Variants in MBD6 observed in about 807,000 individuals in gnomAD.
MBD6 encodes the protein methyl-CpG binding domain protein 6, also known as methyl-CpG-binding domain protein 6.
MBD6 carries 22 observed loss-of-function variants against 66.8 expected under a neutral mutation model. The observed-to-expected ratio is 0.33, with a 90% CI of 0.24 to 0.47. MBD6 has a LOEUF of 0.47. MBD6 is among the 20% of genes least tolerant of loss of function. The pLI is 1.00. For synonymous variants in MBD6, 540 were observed against 534.6 expected (o/e 1.01, Z -0.14); for missense variants, 1,322 against 1,286.9 (o/e 1.03, Z -0.42).
chr12:57,529,348 A>G lies in MBD6; in HGVS notation c.*114A>G, dbSNP rs866430606. Reference sequence around the variant, plus strand: ...ACAGTGGGTGGGGGCACTACTCCCCACTCAGAGCACAAATGCAACTCCTTC... The same window carrying G: ...ACAGTGGGTGGGGGCACTACTCCCCGCTCAGAGCACAAATGCAACTCCTTC... On this transcript the variant is annotated 3_prime_UTR_variant, in exon 13 of 13. Transcript: ENST00000355673. The G allele has an allele frequency of 2.8e-5, 27 of 976,240 alleles. 1 individual carries two copies. The African/African-American group carries it at 4.1e-4, about 15-fold the overall frequency. The allele number at this position is 976,240 out of a possible 1,614,324, so 60.5% of individuals were successfully genotyped here.
In MBD6 at chr12:57,529,842, TA is replaced by T. The variant is rs1879460038; in HGVS notation, c.*614del. On this transcript the variant is annotated 3_prime_UTR_variant, in exon 13 of 13. Transcript: ENST00000355673. ...GTTCCCCCGACTTTCCTCTGGGATA[TA>T]AAAAAGGGGGTAAGGGGGCAAAGAG... 1 of 153,936 alleles carries T rather than the reference TA, an allele frequency of 6.5e-6. No homozygotes were observed. Among genetic ancestry groups the T allele is most frequent in the Non-Finnish European group, 1.5e-5 (1 of 68,946 alleles). 9.5% of individuals were successfully genotyped at this position (153,936 alleles called of 1,614,324 possible).
At position 57,525,633 on chromosome 12, in the gene MBD6, T is replaced by G; in HGVS notation, c.665T>G (p.Leu222Arg). ...PAPPPPPAIS[L>R]NAPSYNWGAA... ...CCACCTCCTCCACCTGCTATCAGCC[T>G]CAATGCTCCCTCATACAACTGGGGA... Residue 222 changes from leucine (L) to arginine (R), a missense_variant, in exon 6 of 13, where the codon CTC (leucine) becomes CGC (arginine). Physicochemically the swap from Leu to Arg is moderately radical, Grantham distance 102. Transcript: ENST00000355673. The G allele has an allele frequency of 1.2e-6, 2 of 1,613,610 alleles. No homozygotes were observed. Among genetic ancestry groups the G allele is most frequent in the South Asian group, 1.1e-5 (1 of 91,070 alleles).
rs1411562388 is a variant in MBD6 at position 57,525,790 on chromosome 12, G to A, written c.822G>A (p.Pro274=). 19 of 560,380 alleles carry A rather than the reference G, an allele frequency of 3.4e-5. No homozygotes were observed. The highest frequency in any genetic ancestry group is 8.5e-5 in the East Asian group (1 of 11,712). The allele number at this position is 560,380 out of a possible 1,614,324, so 34.7% of individuals were successfully genotyped here. A position where few individuals can be genotyped will look rare whatever the true frequency, so the allele number is the denominator to read the frequency against. The change falls in exon 6 of 13, where the codon CCG becomes CCA. Residue 274 remains proline (P), a synonymous_variant. Transcript: ENST00000355673. ...SDALTPPPLP[P]SNNLPAHPGP... ...CCTTAACACCCCCTCCCCTGCCCCCGAGCAATAATCTCCCCGCCCACCCTG... is the reference window on the plus strand; with the variant it reads ...CCTTAACACCCCCTCCCCTGCCCCCAAGCAATAATCTCCCCGCCCACCCTG...
chr12:57,525,598 C>G lies in MBD6; in HGVS notation c.630C>G (p.Pro210=), dbSNP rs781327833. 1.9e-5 allele frequency: 31 copies of G among 1,612,570 alleles called. No individual in the cohort carries two copies. The East Asian group carries it at 6.5e-4, about 34-fold the overall frequency. ...SPRFLPRGNA[P]SPAPPPPPAI... is the part of the protein sequence containing the mutation. ...GTTTCCTCCCAAGGGGCAATGCCCCCTCTCCAGCCCCACCTCCTCCACCTG... is the reference window on the plus strand; with the variant it reads ...GTTTCCTCCCAAGGGGCAATGCCCCGTCTCCAGCCCCACCTCCTCCACCTG... The change falls in exon 6 of 13, where the codon CCC becomes CCG. Residue 210 remains proline, a synonymous_variant. Coordinates refer to ENST00000355673, the MANE Select transcript of MBD6 (RefSeq NM_052897.4).
chr12:57,525,513 G>A lies in MBD6; in HGVS notation c.545G>A (p.Gly182Glu). The A allele has an allele frequency of 6.4e-7, 1 of 1,569,058 alleles. No homozygotes were observed. The highest frequency in any genetic ancestry group is 8.6e-7 in the Non-Finnish European group (1 of 1,159,354). Residue 182 changes from glycine (G) to glutamate (E), a missense_variant, in exon 6 of 13, where the codon GGG becomes GAG. Physicochemically the swap from Gly to Glu is moderately conservative, Grantham distance 98 (BLOSUM62 -2). Transcript: ENST00000355673. ...GCCTTTCCCACTCTAGCAGGCCCTG[G>A]GGGGCTTTTCCCCCCAAGGCTTGCT... Reference protein sequence around the residue: ...SQAFPTLAGPGGLFPPRLADP... With the variant: ...SQAFPTLAGPEGLFPPRLADP...
In MBD6 at chr12:57,525,604, A is replaced by C. The variant is rs748050898; in HGVS notation, c.636A>C (p.Pro212=). The change falls in exon 6 of 13, where the codon CCA becomes CCC. Residue 212 remains proline, a synonymous_variant. Transcript: ENST00000355673. ...RFLPRGNAPS[P]APPPPPAISL... is the part of the protein sequence containing the mutation. ...TCCCAAGGGGCAATGCCCCCTCTCC[A>C]GCCCCACCTCCTCCACCTGCTATCA... is the stretch of plus-strand genomic sequence containing the variant. 6.2e-7 allele frequency: 1 copy of C among 1,612,022 alleles called. No homozygotes were observed. The highest frequency in any genetic ancestry group is 1.1e-5 in the South Asian group (1 of 90,902).
At chr12:57,530,433 G>A (rs1879553020), downstream of MBD6, 3 of 428,042 alleles carry the variant, frequency 7.0e-6, no homozygotes, top group Non-Finnish European at 1.3e-5. Flanking sequence ...TTGGACATGA[G>A]TTGGCATGTG....
Position 57,527,649 on chromosome 12 carries a change from CCAGCCTGCTGGGTGA to C in MBD6, c.2226_2236+4del, listed in dbSNP as rs1162746490. ...CAACTCCTTAGCCCTCTGCTGGGTG[CCAGCCTGCTGGGTGA>C]GTCTGAGGGAGTGTGAATTCACACT... On this transcript the variant is annotated splice_donor_variant and splice_donor_region_variant and coding_sequence_variant and intron_variant, in exon 8 of 13. Transcript: ENST00000355673. LOFTEE classifies it high-confidence loss of function. 1 of 1,598,558 alleles carries C rather than the reference CCAGCCTGCTGGGTGA, an allele frequency of 6.3e-7. No homozygotes were observed. Among genetic ancestry groups the C allele is most frequent in the African/African-American group, 1.3e-5 (1 of 74,146 alleles).
chr12:57,522,724 A>AGGCGGCGGCTCCTGC (rs1878451075), upstream of MBD6: 1 of 152,312 alleles, frequency 6.6e-6, no homozygotes, highest in Non-Finnish European at 1.4e-5. Context: ...GCAGCGGCGG[A>AGGCGGCGGCTCCTGC]GGCGGCGGCT....
At position 57,527,561 on chromosome 12, in the gene MBD6, G is replaced by T; in HGVS notation, c.2137G>T (p.Ala713Ser). The T allele has an allele frequency of 6.2e-7, 1 of 1,614,080 alleles. No individual in the cohort carries two copies. The highest frequency in any genetic ancestry group is 8.5e-7 in the Non-Finnish European group (1 of 1,180,006). The part of the protein sequence containing the change: ...PGPPTSSVTT[A>S]TTDPGASSLG... ...ACCACCTACCTCCAGTGTCACCACG[G>T]CAACTACTGACCCGGGGGCCTCCTC... The change falls in exon 8 of 13, where the codon GCA becomes TCA. Residue 713 changes from alanine to serine, a missense_variant. Coordinates refer to ENST00000355673, the MANE Select transcript of MBD6 (RefSeq NM_052897.4).
chr12:57,529,145 C>G lies in MBD6; in HGVS notation c.2938-15C>G, dbSNP rs748743358. On this transcript the variant is annotated splice_polypyrimidine_tract_variant and intron_variant, in intron 12 of 12. Coordinates refer to ENST00000355673, the MANE Select transcript of MBD6 (RefSeq NM_052897.4). The stretch of plus-strand genomic sequence containing the variant: ...AGCAATTGACCACTTCTATCAACTT[C>G]CCCTCTGATATTAGGCAGCTGTCCC... 1 of 1,614,064 alleles carries G rather than the reference C, an allele frequency of 6.2e-7. No homozygotes were observed. Among genetic ancestry groups the G allele is most frequent in the African/African-American group, 1.3e-5 (1 of 75,008 alleles).
chr12:57,524,284 G>A lies in MBD6; in HGVS notation c.-20G>A. 1 of 1,515,926 alleles carries A rather than the reference G, an allele frequency of 6.6e-7. No individual in the cohort carries two copies. Among genetic ancestry groups the A allele is most frequent in the East Asian group, 2.3e-5 (1 of 44,008 alleles). The allele number at this position is 1,515,926 out of a possible 1,614,324, so 93.9% of individuals were successfully genotyped here. On this transcript the variant is annotated 5_prime_UTR_variant, in exon 3 of 13. Coordinates refer to ENST00000355673, the MANE Select transcript of MBD6 (RefSeq NM_052897.4). ...CATGGATGTCTGTGTTATCAGGCAC[G>A]CGGGAGCTGATTACACACAATGAAT...
rs1013800540 is a variant in MBD6, at chr12:57,528,224, G to A, written c.2484G>A (p.Arg828=). The A allele has an allele frequency of 3.1e-6, 5 of 1,609,260 alleles. No homozygotes were observed. In the African/African-American group the frequency reaches 5.4e-5, roughly 17 times the overall value. Residue 828 remains arginine (R), a synonymous_variant, in exon 10 of 13, where the codon AGG becomes AGA. Transcript: ENST00000355673. ...PASALEPEPA[R]PPLSALAPPH... is the part of the protein sequence containing the mutation. ...CAGCCCTCGAACCAGAGCCTGCCAG[G>A]CCTCCCCTCAGTGCCTTAGCCCCAC... is the stretch of plus-strand genomic sequence containing the variant.
At position 57,524,627 on chromosome 12, in the gene MBD6, T is replaced by C. The variant is rs762326044; in HGVS notation, c.114-93T>C. On this transcript the variant is annotated intron_variant, in intron 3 of 12. Coordinates refer to ENST00000355673, the MANE Select transcript of MBD6 (RefSeq NM_052897.4). ...CCACATTCCTTATCCTCTGTTCTTC[T>C]AGGAGGATCTGTAACTTAAGCACTG... is the stretch of plus-strand genomic sequence containing the variant. The C allele has an allele frequency of 6.5e-6, 8 of 1,223,680 alleles. No homozygotes were observed. In the Admixed American group the frequency reaches 1.4e-4, roughly 22 times the overall value. The allele number at this position is 1,223,680 out of a possible 1,614,324, so 75.8% of individuals were successfully genotyped here. A position where few individuals can be genotyped will look rare whatever the true frequency, so the allele number is the denominator to read the frequency against.
At position 57,525,626 on chromosome 12, in the gene MBD6, A is replaced by G. The variant is rs573105845; in HGVS notation, c.658A>G (p.Ile220Val). The change falls in exon 6 of 13, where the codon ATC (isoleucine) becomes GTC (valine). Residue 220 changes from isoleucine to valine, a missense_variant. Physicochemically the swap from Ile to Val is conservative, Grantham distance 29. Coordinates refer to ENST00000355673, the MANE Select transcript of MBD6 (RefSeq NM_052897.4). ...PSPAPPPPPA[I>V]SLNAPSYNWG... ...TCCAGCCCCACCTCCTCCACCTGCT[A>G]TCAGCCTCAATGCTCCCTCATACAA... The G allele has an allele frequency of 2.2e-5, 35 of 1,613,262 alleles. No homozygotes were observed. The highest frequency in any genetic ancestry group is 1.5e-4 in the Admixed American group (9 of 59,966).
At chr12:57,525,237 G>T (rs978834214) in intron 5 of MBD6, 111 bp from the exon 6 acceptor site, 1 of 1,487,832 alleles carries the variant, frequency 6.7e-7, no homozygotes, top group African/African-American at 1.4e-5. Context: ...GCTGCATGTT[G>T]AAAGGAGGGC....
rs1464250903 is a variant in MBD6 at position 57,525,615 on chromosome 12, C to T, written c.647C>T (p.Pro216Leu). The T allele has an allele frequency of 3.7e-6, 6 of 1,613,566 alleles. No homozygotes were observed. The highest frequency in any genetic ancestry group is 1.1e-5 in the South Asian group (1 of 91,038). Residue 216 changes from proline to leucine, a missense_variant, in exon 6 of 13, where the codon CCT becomes CTT. Transcript: ENST00000355673. ...RGNAPSPAPPPPPAISLNAPS... is the reference protein window; with the variant it reads ...RGNAPSPAPPLPPAISLNAPS... ...AATGCCCCCTCTCCAGCCCCACCTC[C>T]TCCACCTGCTATCAGCCTCAATGCT...
chr12:57,529,438 C>CG lies in MBD6; in HGVS notation c.*205dup, dbSNP rs1260133806. 3.7e-6 allele frequency: 2 copies of CG among 547,018 alleles called. No individual in the cohort carries two copies. Among genetic ancestry groups the CG allele is most frequent in the African/African-American group, 2.0e-5 (1 of 49,784 alleles). 33.9% of individuals were successfully genotyped at this position (547,018 alleles called of 1,614,324 possible). A position where few individuals can be genotyped will look rare whatever the true frequency, so the allele number is the denominator to read the frequency against. ...AGTTCACCCCCCCCCACCACCCCCC[C>CG]GCCCCCCCGAAGCCATGTCACTGAA... is the stretch of plus-strand genomic sequence containing the variant. On this transcript the variant is annotated 3_prime_UTR_variant, in exon 13 of 13. Coordinates refer to ENST00000355673, the MANE Select transcript of MBD6 (RefSeq NM_052897.4).
rs751679624 is a variant in MBD6 at position 57,528,264 on chromosome 12, G to A, written c.2524G>A (p.Asp842Asn). 9 of 1,604,628 alleles carry A rather than the reference G, an allele frequency of 5.6e-6. No homozygotes were observed. The highest frequency in any genetic ancestry group is 1.1e-5 in the South Asian group (1 of 89,844). The change falls in exon 10 of 13, where the codon GAC (aspartate) becomes AAC (asparagine). Residue 842 changes from aspartate to asparagine, a missense_variant. By Grantham distance (23) the Asp-to-Asn change is conservative. Transcript: ENST00000355673. ...SALAPPHGSP[D>N]PPVPELLTGR... ...CTTAGCCCCACCCCATGGTTCTCCC[G>A]ACCCCCCAGTCCCTGAGCTGCTCAC...
Sources: gnomAD v4.1 joint callset for allele counts on GRCh38, gnomAD v4.1.1 for gene constraint, MANE v1.5 for transcripts, NCBI Gene and HGNC (gene_info 2026-07-23, HGNC 2026-07-21) for gene names.